The following TECRL variants were observed in gnomAD, a reference collection of about 807,000 sequenced individuals.
The protein encoded by TECRL is trans-2,3-enoyl-CoA reductase-like.
In TECRL, 63 loss-of-function variants were observed where a neutral mutation model predicts 52.8. That is an observed-to-expected ratio of 1.19 (90% CI 0.97 to 1.47). TECRL has a LOEUF of 1.47. TECRL is among the 40% of genes most tolerant of loss of function. TECRL has a pLI of 0.00. For missense variants in TECRL, 482 were observed against 429.6 expected (o/e 1.12, Z -1.08); for synonymous variants, 164 against 141.9 (o/e 1.16, Z -1.10).
At chr4:64,342,433 A>ATATG (rs1553914828) in intron 2 of TECRL, among the ~76,000 whole-genome samples, 53 of 150,082 alleles carry the variant, frequency 3.5e-4, no homozygotes, top group African/African-American at 1.1e-3. Context: ...ATATATATAT[A>ATATG]TGTGTGTGTG....
intron 2 of TECRL, among the ~76,000 whole-genome samples, chr4:64,359,293 C>A (rs1721006990): frequency 6.6e-6 from 1 of 151,744 alleles, no homozygotes; most frequent in African/African-American, 2.4e-5. Flanking sequence ...TTTTAAAATT[C>A]TTATTATTGA....
intron 1 of TECRL, among the ~76,000 whole-genome samples, chr4:64,403,187 C>T (rs1167745047): frequency 2.6e-5 from 4 of 151,956 alleles, no homozygotes; most frequent in Non-Finnish European, 4.4e-5. Context: ...TCTTCCTACT[C>T]ATTACATTGT....
At chr4:64,286,140 GAAAAC>G (rs1033608831) in intron 9 of TECRL, among the ~76,000 whole-genome samples, 3 of 150,864 alleles carry the variant, frequency 2.0e-5, no homozygotes, top group Non-Finnish European at 4.4e-5. Context: ...CCCCCACAAG[GAAAAC>G]AAAACAAAAT....
intron 2 of TECRL, among the ~76,000 whole-genome samples, chr4:64,352,684 G>C (rs1193375788): frequency 6.6e-6 from 1 of 152,036 alleles, no homozygotes; most frequent in Non-Finnish European, 1.5e-5. Context: ...TGCTTTAAAA[G>C]CATGTATATG....
At chr4:64,402,879 C>A (rs919171906) in intron 1 of TECRL, among the ~76,000 whole-genome samples, 2 of 152,036 alleles carry the variant, frequency 1.3e-5, no homozygotes, top group Non-Finnish European at 2.9e-5. Flanking sequence ...TGTTTATAAT[C>A]CCCCATCCCA....
chr4:64,383,342 A>G (rs1722951285), intron 1 of TECRL, among the ~76,000 whole-genome samples: 1 of 152,200 alleles, frequency 6.6e-6, no homozygotes, highest in East Asian at 1.9e-4. Flanking sequence ...TTAGTTCATT[A>G]GGTGGAGTTT....
intron 2 of TECRL, among the ~76,000 whole-genome samples, chr4:64,360,195 T>G (rs945299990): frequency 6.6e-6 from 1 of 152,138 alleles, no homozygotes; most frequent in Non-Finnish European, 1.5e-5. Context: ...CTCAGTATGT[T>G]TGCAGCTCTT....
rs142219817 is a variant in TECRL at position 64,290,795 on chromosome 4, C to T, written c.775-1028G>A. ...CATCTAGAACTGTTAGGTAAAAATG[C>T]TATTTAAAATAATCATCTTCAATAA... On this transcript the variant is annotated intron_variant, in intron 8 of 11. Coordinates refer to ENST00000381210, the MANE Select transcript of TECRL (RefSeq NM_001010874.5). 6.6e-3 allele frequency among the ~76,000 whole-genome samples: 1,006 copies of T among 152,018 alleles called. 5 individuals are homozygous for T. Among genetic ancestry groups the T allele is most frequent in the Non-Finnish European group, 0.011 (742 of 67,932 alleles).
chr4:64,294,690 T>C (rs1723580765), intron 8 of TECRL, among the ~76,000 whole-genome samples: 1 of 152,118 alleles, frequency 6.6e-6, no homozygotes, highest in Admixed American at 6.6e-5. Context: ...TATGAACCAA[T>C]GTACAAAGAA....
intron 1 of TECRL, among the ~76,000 whole-genome samples, chr4:64,384,339 G>T (rs1419679619): frequency 6.6e-6 from 1 of 152,118 alleles, no homozygotes; most frequent in Non-Finnish European, 1.5e-5. Flanking sequence ...CTGGTAGCAT[G>T]CACAGGTGTC....
chr4:64,350,198 T>A (rs1720286264), intron 2 of TECRL, among the ~76,000 whole-genome samples: 1 of 152,244 alleles, frequency 6.6e-6, no homozygotes, highest in Non-Finnish European at 1.5e-5. Context: ...CAATTTATCC[T>A]GTGAAAACAT....
At chr4:64,358,082 A>T (rs1720902714) in intron 2 of TECRL, among the ~76,000 whole-genome samples, 1 of 127,528 alleles carries the variant, frequency 7.8e-6, no homozygotes, top group Non-Finnish European at 1.7e-5. Context: ...GTCTGTGAAT[A>T]TCCAGTATTA....
intron 2 of TECRL, among the ~76,000 whole-genome samples, chr4:64,331,370 T>G (rs1438810028): frequency 6.6e-6 from 1 of 152,142 alleles, no homozygotes; most frequent in East Asian, 1.9e-4. Flanking sequence ...CTGTAATACT[T>G]CTGGGACATC....
At chr4:64,364,660 C>A (rs1032964189) in intron 2 of TECRL, among the ~76,000 whole-genome samples, 20 of 151,604 alleles carry the variant, frequency 1.3e-4, no homozygotes, top group African/African-American at 1.9e-4. Flanking sequence ...TAGAAGAAAT[C>A]GATAAATTCC....
intron 3 of TECRL, among the ~76,000 whole-genome samples, chr4:64,325,868 A>T (rs902203937): frequency 6.6e-6 from 1 of 152,168 alleles, no homozygotes; most frequent in Non-Finnish European, 1.5e-5. Context: ...TGAAAAAATG[A>T]CTTGATAAAA....
chr4:64,355,662 C>T (rs1720714941), intron 2 of TECRL, among the ~76,000 whole-genome samples: 2 of 151,548 alleles, frequency 1.3e-5, no homozygotes, highest in Admixed American at 6.6e-5. Context: ...ATTAGCCGGG[C>T]ATGGTGTCAG....
At chr4:64,292,067 A>AT (rs1285242421) in intron 8 of TECRL, among the ~76,000 whole-genome samples, 3 of 152,054 alleles carry the variant, frequency 2.0e-5, no homozygotes, top group Non-Finnish European at 4.4e-5. Flanking sequence ...ACTGAATTAG[A>AT]TAAAACTGGT....
chr4:64,299,939 G>T, intron 8 of TECRL, 35 bp downstream of exon 8: 1 of 1,383,882 alleles, frequency 7.2e-7, no homozygotes, highest in South Asian at 1.6e-5. Flanking sequence ...ACCAAAATTA[G>T]AGCGTGAATA....
chr4:64,310,004 T>C (rs1208750538), intron 5 of TECRL, 73 bp from the exon 6 acceptor site: 2 of 903,912 alleles, frequency 2.2e-6, no homozygotes, highest in Admixed American at 5.5e-5. Context: ...TGATACATTT[T>C]AATTTTTTTA....
Sources: allele counts gnomAD v4.1 joint callset (sites outside exome capture counted in the v4.1 genomes callset), GRCh38; gene constraint gnomAD v4.1.1; transcripts MANE v1.5; gene names NCBI Gene and HGNC (gene_info 2026-07-23, HGNC 2026-07-21).